GRID2: variants seen among roughly 807,000 people sequenced by gnomAD.
The protein encoded by GRID2 is glutamate receptor ionotropic, delta-2.
GRID2 carries 33 observed loss-of-function variants against 114.8 expected under a neutral mutation model. The observed-to-expected ratio is 0.29, with a 90% confidence interval of 0.22 to 0.38. The LOEUF is 0.38. Among genes scored for constraint, GRID2 ranks in the 10% least tolerant of loss-of-function variants. The pLI is 1.00. For synonymous variants in GRID2, 505 were observed against 449.9 expected (o/e 1.12, Z -1.55); for missense variants, 1,184 against 1,257.7 (o/e 0.94, Z 0.89).
chr4:93,610,869 G>C (rs910237382), intron 13 of GRID2, among the ~76,000 whole-genome samples: 2 of 136,832 alleles, frequency 1.5e-5, no homozygotes, highest in African/African-American at 3.0e-5. Context: ...CTATTGATTG[G>C]AATAGTTTCA....
intron 13 of GRID2, among the ~76,000 whole-genome samples, chr4:93,589,557 G>A (rs1292788885): frequency 6.6e-6 from 1 of 151,928 alleles, no homozygotes; most frequent in African/African-American, 2.4e-5. Flanking sequence ...TAGTCATTTG[G>A]GTATATACCC....
At chr4:93,627,227 G>T (rs975167818) in intron 14 of GRID2, among the ~76,000 whole-genome samples, 4 of 152,056 alleles carry the variant, frequency 2.6e-5, no homozygotes, top group Non-Finnish European at 5.9e-5. Flanking sequence ...TTATTTTCTA[G>T]ATTTTCTTCT....
chr4:93,312,544 G>C (rs917855163), intron 8 of GRID2, among the ~76,000 whole-genome samples: 1 of 152,166 alleles, frequency 6.6e-6, no homozygotes. Context: ...AAATGCGGAA[G>C]TTGAGGGTAG....
intron 1 of GRID2, among the ~76,000 whole-genome samples, chr4:93,792,689 T>C (rs189437652): frequency 1.1e-4 from 16 of 152,284 alleles, no homozygotes; most frequent in South Asian, 1.0e-3. Context: ...CAGGTCCAAA[T>C]AGACATATGG....
chr4:92,942,489 A>G (rs1022561054), intron 2 of GRID2, among the ~76,000 whole-genome samples: 1 of 152,088 alleles, frequency 6.6e-6, no homozygotes, highest in African/African-American at 2.4e-5. Flanking sequence ...GGTTTCCTGA[A>G]TACAGCACAC....
At chr4:93,112,220 T>C (rs1424486516) in intron 4 of GRID2, 1 of 152,058 alleles carries the variant, frequency 6.6e-6, no homozygotes, top group Non-Finnish European at 1.5e-5. Context: ...TTGGAGGAGA[T>C]CAGAGAAAAC....
chr4:93,418,204 T>A (rs1338905183), intron 9 of GRID2, among the ~76,000 whole-genome samples: 1 of 151,820 alleles, frequency 6.6e-6, no homozygotes, highest in East Asian at 1.9e-4. Flanking sequence ...CTTTATATGC[T>A]TGACAGTACT....
intron 13 of GRID2, among the ~76,000 whole-genome samples, chr4:93,579,893 G>A (rs1173370993): frequency 1.3e-5 from 2 of 152,164 alleles, no homozygotes; most frequent in East Asian, 3.9e-4. Flanking sequence ...GAGTGATCAG[G>A]AGGAAAATAA....
chr4:92,935,248 AG>A (rs1259569316), intron 2 of GRID2, among the ~76,000 whole-genome samples: 2 of 147,308 alleles, frequency 1.4e-5, no homozygotes, highest in African/African-American at 4.9e-5. Flanking sequence ...ACTTCTCAAA[AG>A]AAGACATTTA....
At chr4:93,437,450 C>G (rs181923249) in intron 10 of GRID2, among the ~76,000 whole-genome samples, 1 of 152,110 alleles carries the variant, frequency 6.6e-6, no homozygotes, top group Non-Finnish European at 1.5e-5. Context: ...AAAAACAATA[C>G]TCAAACAGTT....
chr4:93,393,694 C>T (rs1487362329), intron 8 of GRID2, among the ~76,000 whole-genome samples: 1 of 151,904 alleles, frequency 6.6e-6, no homozygotes, highest in African/African-American at 2.4e-5. Context: ...AAATGTTTGT[C>T]CATAGCATTG....
chr4:93,509,189 G>A (rs1464320399), intron 12 of GRID2, among the ~76,000 whole-genome samples: 1 of 152,178 alleles, frequency 6.6e-6, no homozygotes, highest in East Asian at 1.9e-4. Context: ...TTAGTGGTGA[G>A]TGAGAACAGA....
At chr4:93,344,623 A>G (rs559721564) in intron 8 of GRID2, among the ~76,000 whole-genome samples, 1 of 148,256 alleles carries the variant, frequency 6.7e-6, no homozygotes, top group Non-Finnish European at 1.5e-5. Context: ...TATATTAAAT[A>G]TATATTTTAT....
intron 2 of GRID2, among the ~76,000 whole-genome samples, chr4:92,747,279 T>G (rs1423489147): frequency 6.6e-6 from 1 of 152,080 alleles, no homozygotes; most frequent in Non-Finnish European, 1.5e-5. Flanking sequence ...TTCTCATATC[T>G]AATTTTTTAT....
At chr4:92,530,049 T>G (rs1384984903) in intron 1 of GRID2, among the ~76,000 whole-genome samples, 1 of 67,562 alleles carries the variant, frequency 1.5e-5, no homozygotes, top group Non-Finnish European at 3.4e-5. Context: ...ATAAGAAGGG[T>G]TTTTTTTTTT....
At chr4:93,040,319 A>G (rs1464994598) in intron 2 of GRID2, among the ~76,000 whole-genome samples, 1 of 151,984 alleles carries the variant, frequency 6.6e-6, no homozygotes, top group African/African-American at 2.4e-5. Flanking sequence ...ATCACTAACA[A>G]TGAAAGCAGT....
chr4:93,007,552 A>G (rs1038612603), intron 2 of GRID2, among the ~76,000 whole-genome samples: 1 of 152,050 alleles, frequency 6.6e-6, no homozygotes, highest in Non-Finnish European at 1.5e-5. Context: ...ACTTAAAATT[A>G]TTTTGTGAAT....
intron 2 of GRID2, among the ~76,000 whole-genome samples, chr4:93,063,900 C>T (rs563542415): frequency 2.4e-4 from 37 of 151,248 alleles, no homozygotes; most frequent in African/African-American, 5.1e-4. Flanking sequence ...CAAAGCCTAC[C>T]GTGTAGTTTC....
intron 2 of GRID2, among the ~76,000 whole-genome samples, chr4:92,770,755 C>A (rs747168661): frequency 2.0e-5 from 3 of 152,094 alleles, no homozygotes; most frequent in Admixed American, 6.5e-5. Flanking sequence ...AAAGACCCAC[C>A]ACCATAATTC....
Sources: gnomAD v4.1 joint callset for allele counts (sites outside exome capture counted in the v4.1 genomes callset) on GRCh38, gnomAD v4.1.1 for gene constraint, MANE v1.5 for transcripts, NCBI Gene and HGNC (gene_info 2026-07-23, HGNC 2026-07-21) for gene names.